ARL15: variants seen among roughly 807,000 people sequenced by gnomAD.
The protein encoded by ARL15 is ARF like GTPase 15, also known as ADP-ribosylation factor-like protein 15.
Under a neutral mutation model 25.2 loss-of-function variants are expected in ARL15, and 19 were observed. The observed-to-expected ratio is 0.75, with a 90% CI of 0.53 to 1.10. The LOEUF (loss-of-function observed/expected upper bound fraction) is 1.10. ARL15 is among the 50% of genes least tolerant of loss of function. The pLI is 0.00. For missense variants in ARL15, 220 were observed against 246.0 expected, an observed-to-expected ratio of 0.89 and a Z score of 0.71; for synonymous variants, 94 against 86.8, an observed-to-expected ratio of 1.08 and a Z score of -0.46.
chr5:54,083,314 T>C (rs900825927), intron 4 of ARL15, among the ~76,000 whole-genome samples: 15 of 152,206 alleles, frequency 9.9e-5, no homozygotes, highest in Admixed American at 7.8e-4. Flanking sequence ...CAATTGAGGC[T>C]AATGGAACTA....
At chr5:54,216,724 G>C (rs896793170) in intron 1 of ARL15, among the ~76,000 whole-genome samples, 1 of 152,130 alleles carries the variant, frequency 6.6e-6, no homozygotes, top group Admixed American at 6.6e-5. Context: ...AGAAAAATCT[G>C]TTGGGAATTA....
chr5:54,043,698 C>G (rs1472289978), intron 4 of ARL15, among the ~76,000 whole-genome samples: 3 of 152,134 alleles, frequency 2.0e-5, no homozygotes, highest in African/African-American at 7.2e-5. Context: ...TTGCATATAT[C>G]ATTTCATTTA....
At chr5:54,190,304 A>C (rs1561259941) in intron 1 of ARL15, among the ~76,000 whole-genome samples, 1 of 151,934 alleles carries the variant, frequency 6.6e-6, no homozygotes, top group Non-Finnish European at 1.5e-5. Flanking sequence ...GAGGCAGAAG[A>C]ATTGCTTGAA....
At chr5:54,270,576 T>C (rs1438761813) in intron 1 of ARL15, among the ~76,000 whole-genome samples, 5 of 152,190 alleles carry the variant, frequency 3.3e-5, no homozygotes, top group Non-Finnish European at 7.4e-5. Flanking sequence ...ACTTGCAACA[T>C]GCCAGACACT....
chr5:54,203,622 A>C (rs1323088602), intron 1 of ARL15, among the ~76,000 whole-genome samples: 1 of 152,200 alleles, frequency 6.6e-6, no homozygotes, highest in African/African-American at 2.4e-5. Context: ...TCCATGTCAC[A>C]TACACAAGCT....
chr5:53,893,955 T>C (rs916170799), intron 4 of ARL15, among the ~76,000 whole-genome samples: 9 of 152,130 alleles, frequency 5.9e-5, no homozygotes, highest in African/African-American at 2.2e-4. Context: ...AAATATGTCA[T>C]TAAAGGCAGA....
intron 1 of ARL15, among the ~76,000 whole-genome samples, chr5:54,200,452 G>A (rs952197730): frequency 6.6e-6 from 1 of 152,056 alleles, no homozygotes; most frequent in Non-Finnish European, 1.5e-5. Flanking sequence ...ACTTTGAGAA[G>A]CAGCCAAGAT....
chr5:53,904,304 A>C (rs1745169460), intron 4 of ARL15, among the ~76,000 whole-genome samples: 1 of 152,108 alleles, frequency 6.6e-6, no homozygotes. Flanking sequence ...ACTGGTGAGC[A>C]CTCCTAGGTT....
At chr5:54,287,550 GCTAATGCATGCC>G (rs1401015684) in intron 1 of ARL15, among the ~76,000 whole-genome samples, 1 of 151,662 alleles carries the variant, frequency 6.6e-6, no homozygotes, top group African/African-American at 2.4e-5. Flanking sequence ...TCTGAGGGCT[GCTAATGCATGCC>G]CTAGACACCT....
intron 1 of ARL15, among the ~76,000 whole-genome samples, chr5:54,198,004 TA>T (rs1288625659): frequency 6.6e-6 from 1 of 151,728 alleles, no homozygotes; most frequent in Admixed American, 6.6e-5. Context: ...CGCAAATCAA[TA>T]AATGTAATCC....
chr5:54,218,701 G>A (rs746900348), intron 1 of ARL15, among the ~76,000 whole-genome samples: 3 of 151,958 alleles, frequency 2.0e-5, no homozygotes, highest in East Asian at 1.9e-4. Flanking sequence ...TACCAAAGAC[G>A]GCAATGGCAT....
chr5:54,098,605 A>G (rs1286129844), intron 4 of ARL15, among the ~76,000 whole-genome samples: 1 of 152,184 alleles, frequency 6.6e-6, no homozygotes, highest in Non-Finnish European at 1.5e-5. Context: ...GAAACTGAGA[A>G]TGAAGGGGGA....
intron 1 of ARL15, among the ~76,000 whole-genome samples, chr5:54,220,731 A>T (rs1260491148): frequency 1.3e-5 from 2 of 151,838 alleles, no homozygotes; most frequent in African/African-American, 4.8e-5. Flanking sequence ...TATCTCTGAA[A>T]TCAGCAGTGT....
intron 3 of ARL15, among the ~76,000 whole-genome samples, chr5:54,143,391 A>G (rs1753821700): frequency 2.0e-5 from 3 of 151,908 alleles, no homozygotes; most frequent in Admixed American, 6.6e-5. Flanking sequence ...TTCATCTCAT[A>G]TTACTTTAAG....
intron 1 of ARL15, among the ~76,000 whole-genome samples, chr5:54,188,326 T>C (rs1321985001): frequency 6.6e-6 from 1 of 152,154 alleles, no homozygotes; most frequent in Non-Finnish European, 1.5e-5. Flanking sequence ...ATGTATTTTA[T>C]AGAAAAGGAC....
intron 1 of ARL15, among the ~76,000 whole-genome samples, chr5:54,173,992 C>A (rs1754791528): frequency 6.6e-6 from 1 of 152,162 alleles, no homozygotes; most frequent in Non-Finnish European, 1.5e-5. Flanking sequence ...ATCCTCAGGG[C>A]AGTCTGCTCC....
intron 1 of ARL15, among the ~76,000 whole-genome samples, chr5:54,221,561 A>T (rs753718564): frequency 1.6e-4 from 24 of 152,102 alleles, no homozygotes; most frequent in South Asian, 8.3e-4. Flanking sequence ...GTGTGTATAC[A>T]CACACACACA....
intron 4 of ARL15, among the ~76,000 whole-genome samples, chr5:54,009,829 A>G (rs1275977713): frequency 3.3e-5 from 5 of 152,180 alleles, no homozygotes; most frequent in Non-Finnish European, 2.9e-5. Flanking sequence ...GAACATCTCC[A>G]AAACCCATTT....
At chr5:54,196,712 T>C (rs1472646538) in intron 1 of ARL15, among the ~76,000 whole-genome samples, 1 of 152,152 alleles carries the variant, frequency 6.6e-6, no homozygotes, top group African/African-American at 2.4e-5. Context: ...CAGTGCTCTT[T>C]CTTCATTATT....
Sources: allele counts gnomAD v4.1 joint callset (sites outside exome capture counted in the v4.1 genomes callset), GRCh38; gene constraint gnomAD v4.1.1; transcripts MANE v1.5; gene names NCBI Gene and HGNC (gene_info 2026-07-23, HGNC 2026-07-21).